AK5: variants seen among roughly 807,000 people sequenced by gnomAD.
AK5 encodes the protein adenylate kinase 5.
In AK5, 27 loss-of-function variants were observed where a neutral mutation model predicts 69.5. The observed-to-expected ratio is 0.39, with a 90% CI of 0.29 to 0.54. AK5 has a LOEUF of 0.54. Among genes scored for constraint, AK5 ranks in the 20% least tolerant of loss-of-function variants. The pLI is 0.71. For missense variants in AK5, 531 were observed against 700.4 expected (o/e 0.76, Z 2.73); for synonymous variants, 260 against 244.4 (o/e 1.06, Z -0.60).
chr1:77,292,605 C>G (rs1658751566), intron 2 of AK5, among the ~76,000 whole-genome samples: 2 of 152,154 alleles, frequency 1.3e-5, no homozygotes, highest in Non-Finnish European at 2.9e-5. Flanking sequence ...GAAGAGGGAG[C>G]CATAAACTAT....
intron 6 of AK5, among the ~76,000 whole-genome samples, chr1:77,368,321 A>ATATATATGTTATATATGT (rs71075738): frequency 8.1e-6 from 1 of 123,110 alleles, no homozygotes; most frequent in South Asian, 2.3e-4. Flanking sequence ...GTTATATATA[A>ATATATATGTTATATATGT]TATATATGTT....
intron 12 of AK5, among the ~76,000 whole-genome samples, chr1:77,531,048 CTGACTTAAAGAA>C (rs1411347654): frequency 2.6e-5 from 4 of 152,180 alleles, no homozygotes; most frequent in Non-Finnish European, 4.4e-5. Flanking sequence ...CTTGGTCTCA[CTGACTTAAAGAA>C]TGAAGCCGTG....
chr1:77,528,756 G>C (rs1015411964), intron 12 of AK5, among the ~76,000 whole-genome samples: 6 of 152,158 alleles, frequency 3.9e-5, no homozygotes, highest in African/African-American at 9.7e-5. Context: ...GAGGAGTCAG[G>C]GTTTCTGATC....
intron 8 of AK5, among the ~76,000 whole-genome samples, chr1:77,446,334 T>C (rs1652750625): frequency 6.6e-6 from 1 of 152,208 alleles, no homozygotes; most frequent in Non-Finnish European, 1.5e-5. Context: ...ACTATAGCTT[T>C]GTAATATAAT....
At position 77,293,914 on chromosome 1, in the gene AK5, G is replaced by A. The variant is rs114141042; in HGVS notation, c.369G>A (p.Glu123=). ...SETAELIEEY[E]VFDPTRPRPK... is the part of the protein sequence containing the mutation. ...CTGCAGAGTTGATTGAGGAGTATGA[G>A]GTTTTTGATCCTACCAGACCTCGAC... The change falls in exon 3 of 14, where the codon GAG becomes GAA. Residue 123 remains glutamate (E), a synonymous_variant. Coordinates refer to ENST00000354567, the MANE Select transcript of AK5 (RefSeq NM_174858.3). 192 of 1,613,240 alleles carry A rather than the reference G, an allele frequency of 1.2e-4. No homozygotes were observed. Among genetic ancestry groups the A allele is most frequent in the Non-Finnish European group, 1.5e-4 (174 of 1,179,684 alleles).
At chr1:77,302,307 G>T (rs1472008241) in intron 5 of AK5, among the ~76,000 whole-genome samples, 1 of 152,024 alleles carries the variant, frequency 6.6e-6, no homozygotes, top group Non-Finnish European at 1.5e-5. Context: ...TCAAAAAGAG[G>T]AAAAAGCAAA....
chr1:77,424,170 G>C (rs998079547), intron 8 of AK5, among the ~76,000 whole-genome samples: 3 of 152,108 alleles, frequency 2.0e-5, no homozygotes, highest in Non-Finnish European at 4.4e-5. Flanking sequence ...AAAATTACAA[G>C]GTATGTCAAA....
At chr1:77,467,992 A>G (rs1654247052) in intron 8 of AK5, among the ~76,000 whole-genome samples, 1 of 152,248 alleles carries the variant, frequency 6.6e-6, no homozygotes, top group African/African-American at 2.4e-5. Flanking sequence ...GACCAGCAGC[A>G]GCAGCAGCTC....
intron 5 of AK5, among the ~76,000 whole-genome samples, chr1:77,333,221 GC>G (rs1661179004): frequency 1.3e-5 from 2 of 151,946 alleles, no homozygotes; most frequent in African/African-American, 4.8e-5. Flanking sequence ...CACCTCTGAG[GC>G]CCCACCTCAT....
chr1:77,518,173 T>A (rs1347551966), intron 10 of AK5, among the ~76,000 whole-genome samples: 1 of 152,200 alleles, frequency 6.6e-6, no homozygotes, highest in Non-Finnish European at 1.5e-5. Flanking sequence ...ATGAGTGGGT[T>A]CGGTTCTCCA....
intron 12 of AK5, among the ~76,000 whole-genome samples, chr1:77,529,334 G>GTTCTTTTTTTT (rs1658449635): frequency 7.2e-6 from 1 of 138,032 alleles, no homozygotes; most frequent in African/African-American, 2.7e-5. Context: ...CGTTTTATAG[G>GTTCTTTTTTTT]TTTTTTTTTT....
chr1:77,334,883 C>G lies in AK5; in HGVS notation c.700-5494C>G, dbSNP rs575996274. 9.2e-5 allele frequency among the ~76,000 whole-genome samples: 14 copies of G among 152,266 alleles called. No individual in the cohort carries two copies. The South Asian group carries it at 2.7e-3, about 29-fold the overall frequency. ...GTGGGCCCCATATATCACTTTTTGT[C>G]CCCTAACCCTGTGATCTGTTGAAAG... On this transcript the variant is annotated intron_variant, in intron 5 of 13. Coordinates refer to ENST00000354567, the MANE Select transcript of AK5 (RefSeq NM_174858.3).
At chr1:77,544,197 C>G (rs72934382) in intron 13 of AK5, among the ~76,000 whole-genome samples, 2,548 of 152,246 alleles carry the variant, frequency 0.017, 46 homozygotes, top group Middle Eastern at 0.071. Context: ...CAGTGGTAAA[C>G]TTGCTGTATA....
intron 8 of AK5, among the ~76,000 whole-genome samples, chr1:77,470,868 TATATATA>T (rs1289244988): frequency 1.9e-4 from 1 of 5,384 alleles, no homozygotes; most frequent in African/African-American, 5.3e-4. Flanking sequence ...TATATATATA[TATATATA>T]TTTTTTTTTT....
chr1:77,479,569 C>G (rs939589748), intron 8 of AK5, among the ~76,000 whole-genome samples: 8 of 152,160 alleles, frequency 5.3e-5, no homozygotes, highest in African/African-American at 1.9e-4. Flanking sequence ...GTATTAATCA[C>G]AGCATTGCAG....
chr1:77,526,444 G>A (rs185822650), intron 12 of AK5, among the ~76,000 whole-genome samples: 1 of 150,318 alleles, frequency 6.7e-6, no homozygotes, highest in East Asian at 2.0e-4. Flanking sequence ...GCGCATGTTT[G>A]GAAGCGATGG....
At chr1:77,340,983 T>C (rs1397343836) in intron 6 of AK5, 1 of 155,530 alleles carries the variant, frequency 6.4e-6, no homozygotes, top group East Asian at 1.9e-4. Context: ...AAGCGTTGTT[T>C]GTCATGATCT....
intron 8 of AK5, among the ~76,000 whole-genome samples, chr1:77,436,663 A>C (rs1374427361): frequency 1.3e-5 from 2 of 151,854 alleles, no homozygotes; most frequent in Non-Finnish European, 2.9e-5. Flanking sequence ...AGTTATCAAA[A>C]AGATTTTTTG....
chr1:77,548,991 T>G (rs535701051), intron 13 of AK5, among the ~76,000 whole-genome samples: 3 of 150,502 alleles, frequency 2.0e-5, no homozygotes, highest in African/African-American at 7.4e-5. Context: ...TTCTCCTGCC[T>G]TAGCCTCCCG....
Sources: gnomAD v4.1 joint callset for allele counts (sites outside exome capture counted in the v4.1 genomes callset) on GRCh38, gnomAD v4.1.1 for gene constraint, MANE v1.5 for transcripts, NCBI Gene and HGNC (gene_info 2026-07-23, HGNC 2026-07-21) for gene names.